CSMD1: variants seen among roughly 807,000 people sequenced by gnomAD.
The protein encoded by CSMD1 is CUB and Sushi multiple domains 1.
In CSMD1, 213 loss-of-function variants were observed where a neutral mutation model predicts 417.5. That is an observed-to-expected ratio of 0.51 (90% CI 0.46 to 0.57). The LOEUF (loss-of-function observed/expected upper bound fraction) is 0.57, where lower values mean the gene tolerates loss of function less well. CSMD1 is among the 20% of genes least tolerant of loss of function. CSMD1 has a pLI of 0.00. For synonymous variants in CSMD1, 2,862 were observed against 1,736.8 expected (o/e 1.65, Z -16.11); for missense variants, 6,923 against 4,529.7 (o/e 1.53, Z -15.17).
chr8:3,606,246 T>C (rs1035514577), intron 8 of CSMD1, among the ~76,000 whole-genome samples: 10 of 152,058 alleles, frequency 6.6e-5, no homozygotes, highest in Non-Finnish European at 1.5e-4. Context: ...GAGAAATGCA[T>C]TGTTAGGCAA....
intron 4 of CSMD1, among the ~76,000 whole-genome samples, chr8:4,005,528 C>T (rs548358441): frequency 6.6e-6 from 1 of 152,166 alleles, no homozygotes; most frequent in Non-Finnish European, 1.5e-5. Context: ...CCTTTCTCAA[C>T]GAATTGGCTC....
chr8:3,285,528 A>G (rs965813850), intron 25 of CSMD1, among the ~76,000 whole-genome samples: 3 of 151,940 alleles, frequency 2.0e-5, no homozygotes, highest in Non-Finnish European at 2.9e-5. Context: ...CTAGGACTAC[A>G]AGCATGAGCT....
At chr8:4,227,474 A>C (rs1357423702) in intron 3 of CSMD1, among the ~76,000 whole-genome samples, 1 of 152,126 alleles carries the variant, frequency 6.6e-6, no homozygotes, top group Non-Finnish European at 1.5e-5. Context: ...AAAGTTTCTG[A>C]GGAGTCCTGT....
chr8:3,515,539 G>A (rs1481228911), intron 10 of CSMD1, among the ~76,000 whole-genome samples: 1 of 152,168 alleles, frequency 6.6e-6, no homozygotes, highest in African/African-American at 2.4e-5. Context: ...TCAGGAGAAT[G>A]AGAAAGCAGG....
intron 1 of CSMD1, among the ~76,000 whole-genome samples, chr8:4,983,093 G>A (rs2117441594): frequency 6.6e-6 from 1 of 152,246 alleles, no homozygotes; most frequent in South Asian, 2.1e-4. Context: ...AACTTACTCA[G>A]TATACAAAGA....
At chr8:3,366,015 G>A (rs1809543457) in intron 20 of CSMD1, among the ~76,000 whole-genome samples, 1 of 152,158 alleles carries the variant, frequency 6.6e-6, no homozygotes. Flanking sequence ...AATCTCATAA[G>A]TGGCATCAGA....
At chr8:3,863,604 C>T (rs181296050) in intron 5 of CSMD1, among the ~76,000 whole-genome samples, 3 of 152,220 alleles carry the variant, frequency 2.0e-5, no homozygotes, top group African/African-American at 7.2e-5. Context: ...TCAAACCTTG[C>T]AGTAGGATGT....
chr8:4,635,956 A>AG (rs1802789380), intron 2 of CSMD1, among the ~76,000 whole-genome samples: 1 of 152,092 alleles, frequency 6.6e-6, no homozygotes, highest in Non-Finnish European at 1.5e-5. Context: ...CAGAAAAAAA[A>AG]CTAGGTGTTT....
chr8:4,300,680 CACA>C (rs1563414765), intron 3 of CSMD1, among the ~76,000 whole-genome samples: 1 of 151,430 alleles, frequency 6.6e-6, no homozygotes, highest in East Asian at 1.9e-4. Context: ...GCTATCTCTC[CACA>C]CTCTCCCAAC....
chr8:4,904,089 G>C (rs187091876), intron 1 of CSMD1, among the ~76,000 whole-genome samples: 8 of 152,202 alleles, frequency 5.3e-5, no homozygotes, highest in East Asian at 1.9e-4. Context: ...AAAAGAACCA[G>C]GATAGGATAG....
intron 31 of CSMD1, among the ~76,000 whole-genome samples, chr8:3,205,124 T>C (rs141796665): frequency 2.4e-4 from 37 of 152,340 alleles, no homozygotes; most frequent in African/African-American, 7.7e-4. Context: ...GTTCACTGAA[T>C]GTATGTGCCA....
chr8:3,162,147 GA>G lies in CSMD1; in HGVS notation c.5844+11del, dbSNP rs747010197. 1.3e-6 allele frequency: 2 copies of G among 1,545,090 alleles called. No individual in the cohort carries two copies. The highest frequency in any genetic ancestry group is 4.6e-5 in the East Asian group (2 of 43,768). ...TGTGTATGTTATTCCTGAGCACTGA[GA>G]AGAAGGATACCTGCAGGGTGTACCC... On this transcript the variant is annotated intron_variant, in intron 38 of 69. Coordinates refer to ENST00000635120, the MANE Select transcript of CSMD1 (RefSeq NM_033225.6).
intron 26 of CSMD1, among the ~76,000 whole-genome samples, chr8:3,258,738 A>G (rs1800839339): frequency 6.6e-6 from 1 of 152,246 alleles, no homozygotes; most frequent in Non-Finnish European, 1.5e-5. Flanking sequence ...TGGTACATAT[A>G]CACCATGGAA....
intron 3 of CSMD1, among the ~76,000 whole-genome samples, chr8:4,298,993 C>G (rs983730741): frequency 1.3e-5 from 2 of 151,858 alleles, no homozygotes; most frequent in African/African-American, 4.8e-5. Flanking sequence ...CTTTGCAGAT[C>G]TACTGATGTT....
chr8:4,299,072 C>G (rs953196036), intron 3 of CSMD1, among the ~76,000 whole-genome samples: 3 of 152,034 alleles, frequency 2.0e-5, no homozygotes, highest in African/African-American at 4.8e-5. Context: ...AATCCTATTT[C>G]TTACTTATGA....
At chr8:4,028,536 C>T (rs1797180985) in intron 4 of CSMD1, among the ~76,000 whole-genome samples, 1 of 151,994 alleles carries the variant, frequency 6.6e-6, no homozygotes. Context: ...TATGCAATAA[C>T]TAGCGAAGGA....
intron 23 of CSMD1, among the ~76,000 whole-genome samples, chr8:3,319,244 C>T (rs755096298): frequency 6.6e-6 from 1 of 152,158 alleles, no homozygotes; most frequent in Non-Finnish European, 1.5e-5. Flanking sequence ...TTAAAAATAT[C>T]TTGACTATCC....
At chr8:3,750,823 G>C (rs1445446114) in intron 6 of CSMD1, among the ~76,000 whole-genome samples, 1 of 152,126 alleles carries the variant, frequency 6.6e-6, no homozygotes, top group African/African-American at 2.4e-5. Flanking sequence ...GCTGTCCTTA[G>C]GTTTGTTCTA....
intron 3 of CSMD1, among the ~76,000 whole-genome samples, chr8:4,370,005 C>T (rs771344918): frequency 2.6e-5 from 4 of 151,842 alleles, no homozygotes; most frequent in African/African-American, 4.8e-5. Flanking sequence ...TAAGCTGGTT[C>T]TTATGTAGAC....
Sources: gnomAD v4.1 joint callset for allele counts (sites outside exome capture counted in the v4.1 genomes callset) on GRCh38, gnomAD v4.1.1 for gene constraint, MANE v1.5 for transcripts, NCBI Gene and HGNC (gene_info 2026-07-23, HGNC 2026-07-21) for gene names.